OSBPL5: variants seen among roughly 807,000 people sequenced by gnomAD.
The protein encoded by OSBPL5 is oxysterol binding protein like 5, also known as oxysterol-binding protein-related protein 5.
In OSBPL5, 71 loss-of-function variants were observed where a neutral mutation model predicts 111.2. That is an observed-to-expected ratio of 0.64 (90% confidence interval 0.53 to 0.78). The LOEUF (loss-of-function observed/expected upper bound fraction) is 0.78, where lower values mean the gene tolerates loss of function less well. OSBPL5 is among the 30% of genes least tolerant of loss of function. The pLI is 0.00. For missense variants in OSBPL5, 1,210 were observed against 1,189.3 expected (o/e 1.02, Z -0.26); for synonymous variants, 549 against 513.9 (o/e 1.07, Z -0.93).
chr11:3,088,939 C>T (rs568804466), intron 21 of OSBPL5, among the ~76,000 whole-genome samples: 1 of 152,132 alleles, frequency 6.6e-6, no homozygotes, highest in Non-Finnish European at 1.5e-5. Flanking sequence ...AGCCCCTTGC[C>T]GGCAGTACTC....
chr11:3,116,271 A>G (rs1461591313), intron 7 of OSBPL5, among the ~76,000 whole-genome samples: 1 of 152,192 alleles, frequency 6.6e-6, no homozygotes, highest in Non-Finnish European at 1.5e-5. Context: ...ATGTTAAATT[A>G]TTTTGTGCCA....
intron 1 of OSBPL5, among the ~76,000 whole-genome samples, chr11:3,132,553 C>T (rs1324617115): frequency 6.6e-6 from 1 of 152,050 alleles, no homozygotes; most frequent in East Asian, 1.9e-4. Flanking sequence ...CCCAAGCCCT[C>T]CCGCCACCCC....
At position 3,126,822 on chromosome 11, in the gene OSBPL5, C is replaced by T. The variant is rs1185097519; in HGVS notation, c.137-267G>A. ...AGCTGGGACAGGAGCTGGTAGGAACCGGCATCCTGGGCCTGCTGTAGTGTG... is the reference window on the plus strand; with the variant it reads ...AGCTGGGACAGGAGCTGGTAGGAACTGGCATCCTGGGCCTGCTGTAGTGTG... On this transcript the variant is annotated intron_variant, in intron 2 of 21. Coordinates refer to ENST00000263650, the MANE Select transcript of OSBPL5 (RefSeq NM_020896.4). This position sits in a 1 kb window ranked among gnomAD's most constrained non-coding sequence, Gnocchi z 6.5. 2.6e-5 allele frequency among the ~76,000 whole-genome samples: 4 copies of T among 152,176 alleles called. No homozygotes were observed. Among genetic ancestry groups the T allele is most frequent in the East Asian group, 1.9e-4 (1 of 5,182 alleles).
At chr11:3,111,995 ATGTGTGTG>A (rs74184684) in intron 7 of OSBPL5, among the ~76,000 whole-genome samples, 91 of 145,370 alleles carry the variant, frequency 6.3e-4, no homozygotes, top group Admixed American at 1.1e-3. Context: ...ATGTGTGTGC[ATGTGTGTG>A]TGTGTGCGCG....
chr11:3,094,666 T>C (rs1226021903), intron 14 of OSBPL5: 1 of 268,330 alleles, frequency 3.7e-6, no homozygotes, highest in Non-Finnish European at 7.3e-6. Context: ...AGGTGTCGCC[T>C]CCTGTTCCAG....
chr11:3,159,730 C>T (rs1178452008), intron 1 of OSBPL5, among the ~76,000 whole-genome samples: 1 of 152,034 alleles, frequency 6.6e-6, no homozygotes, highest in African/African-American at 2.4e-5. Flanking sequence ...CTATCTGAGT[C>T]AGGGAGATGG....
Position 3,093,002 on chromosome 11 carries a change from G to A in OSBPL5, c.1997C>T (p.Ala666Val), listed in dbSNP as rs1313783444. ...CTCCAGTGCAAACTTCTCCTGTGTG[G>A]CCCTGTGCTGGTCGCCCTTGCTGAT... is the stretch of plus-strand genomic sequence containing the variant. ...RAISKGDQHRATQEKFALEEA... is the reference protein window; with the variant it reads ...RAISKGDQHRVTQEKFALEEA... Residue 666 changes from alanine (A) to valine (V), a missense_variant, in exon 18 of 22, where the codon GCC becomes GTC. By Grantham distance (64) the Ala-to-Val change is moderately conservative. Transcript: ENST00000263650. 2 of 1,604,594 alleles carry A rather than the reference G, an allele frequency of 1.2e-6. No individual in the cohort carries two copies. Among genetic ancestry groups the A allele is most frequent in the Admixed American group, 1.7e-5 (1 of 59,028 alleles).
rs1202777091 is a variant in OSBPL5, at chr11:3,110,052, C to G, written c.692-2107G>C. On this transcript the variant is annotated intron_variant, in intron 7 of 21. Transcript: ENST00000263650. The surrounding 1 kb of genome is among the most constrained non-coding windows in gnomAD (Gnocchi z 5.3). ...GTGGGCTGCCCTGGCCATCCCCGGGCCTGCATGGGACCTGGCACATAGTGG... is the reference window on the plus strand; with the variant it reads ...GTGGGCTGCCCTGGCCATCCCCGGGGCTGCATGGGACCTGGCACATAGTGG... Among the ~76,000 whole-genome samples, 1 of 152,160 alleles carries G rather than the reference C, an allele frequency of 6.6e-6. No homozygotes were observed. The highest frequency in any genetic ancestry group is 1.5e-5 in the Non-Finnish European group (1 of 68,026).
intron 1 of OSBPL5, among the ~76,000 whole-genome samples, chr11:3,143,846 C>A (rs372341825): frequency 6.6e-6 from 1 of 152,202 alleles, no homozygotes; most frequent in Non-Finnish European, 1.5e-5. Flanking sequence ...AGCTCCTGGC[C>A]GTGGTCATAG....
At chr11:3,094,186 G>A (rs1177953470) in intron 15 of OSBPL5, 51 bp downstream of exon 15, 8 of 1,556,196 alleles carry the variant, frequency 5.1e-6, no homozygotes, top group Non-Finnish European at 5.3e-6. Context: ...GGATCCCCAA[G>A]GCTTCGTTCC....
chr11:3,155,016 G>A (rs1264967539), intron 1 of OSBPL5, among the ~76,000 whole-genome samples: 1 of 152,206 alleles, frequency 6.6e-6, no homozygotes, highest in Non-Finnish European at 1.5e-5. Flanking sequence ...AGGAGATGAG[G>A]ACACAGGCAC....
chr11:3,150,920 C>A (rs907047561), intron 1 of OSBPL5, among the ~76,000 whole-genome samples: 12 of 152,168 alleles, frequency 7.9e-5, no homozygotes, highest in Admixed American at 2.0e-4. Flanking sequence ...GCGGGCTGCC[C>A]GCTGTGGCCA....
chr11:3,151,756 G>A (rs563624533), intron 1 of OSBPL5, among the ~76,000 whole-genome samples: 1 of 152,350 alleles, frequency 6.6e-6, no homozygotes, highest in South Asian at 2.1e-4. Context: ...TCTGCCCCGT[G>A]GGAAGGGGTC....
Position 3,092,609 on chromosome 11 carries a change from G to T in OSBPL5, c.2133-51C>A. The T allele has an allele frequency of 6.6e-7, 1 of 1,517,916 alleles. No individual in the cohort carries two copies. 94.0% of individuals were successfully genotyped at this position (1,517,916 alleles called of 1,614,324 possible). A position where few individuals can be genotyped will look rare whatever the true frequency, so the allele number is the denominator to read the frequency against. On this transcript the variant is annotated intron_variant, in intron 18 of 21. Transcript: ENST00000263650. This position sits in a 1 kb window ranked among gnomAD's most constrained non-coding sequence, Gnocchi z 5.4. ...AGCACAGGCAGTGGCCCTCAGGTGAGGGGGCTGTCCTGGCCCAGTCTTCAG... is the reference window on the plus strand; with the variant it reads ...AGCACAGGCAGTGGCCCTCAGGTGATGGGGCTGTCCTGGCCCAGTCTTCAG...
rs1857970381 is a variant in OSBPL5 at position 3,111,997 on chromosome 11, GTGTGTGTGTGTGCGCGCATGTGTGTGCA to G, written c.692-4080_692-4053del. On this transcript the variant is annotated intron_variant, in intron 7 of 21. Coordinates refer to ENST00000263650, the MANE Select transcript of OSBPL5 (RefSeq NM_020896.4). ...TATGTGTGCGCGCATGTGTGTGCAT[GTGTGTGTGTGTGCGCGCATGTGTGTGCA>G]TGTGTGTGTATGTGTGCGCGCATGT... Among the ~76,000 whole-genome samples the G allele has an allele frequency of 4.5e-5, 4 of 88,502 alleles. No individual in the cohort carries two copies. The South Asian group carries it at 1.3e-3, about 28-fold the overall frequency. 58.1% of individuals were successfully genotyped at this position (88,502 alleles called of 152,430 possible).
chr11:3,132,814 C>G (rs1353374540), intron 1 of OSBPL5, among the ~76,000 whole-genome samples: 1 of 152,236 alleles, frequency 6.6e-6, no homozygotes, highest in African/African-American at 2.4e-5. Context: ...CTTCTCCCAC[C>G]AGATGCAGCG....
chr11:3,152,315 G>C (rs546362404), intron 1 of OSBPL5, among the ~76,000 whole-genome samples: 2 of 152,224 alleles, frequency 1.3e-5, no homozygotes, highest in African/African-American at 4.8e-5. Flanking sequence ...TGATTAACAC[G>C]TCTTCTAGGT....
At chr11:3,159,365 C>T (rs1846885695) in intron 1 of OSBPL5, among the ~76,000 whole-genome samples, 1 of 152,194 alleles carries the variant, frequency 6.6e-6, no homozygotes, top group Non-Finnish European at 1.5e-5. Flanking sequence ...GGCCTGGTAC[C>T]TAACCCACAA....
In OSBPL5 at chr11:3,090,659, T is replaced by A; in HGVS notation, c.2297A>T (p.Asp766Val). ...GGCCTGGCTGTGGCCGGAGGGCTGG[T>A]CGCTGGCCTTGCGAAGCCGCTGGTC... ...GPDQRLRKASDQPSGHSQATE... is the reference protein window; with the variant it reads ...GPDQRLRKASVQPSGHSQATE... Residue 766 changes from aspartate to valine, a missense_variant, in exon 20 of 22, where the codon GAC (aspartate) becomes GTC (valine). Transcript: ENST00000263650. The A allele has an allele frequency of 6.2e-7, 1 of 1,612,242 alleles. No homozygotes were observed. Among genetic ancestry groups the A allele is most frequent in the Non-Finnish European group, 8.5e-7 (1 of 1,179,796 alleles).
Sources: allele counts gnomAD v4.1 joint callset (sites outside exome capture counted in the v4.1 genomes callset), GRCh38; gene constraint gnomAD v4.1.1; non-coding constraint Gnocchi (gnomAD v3.1); transcripts MANE v1.5; gene names NCBI Gene and HGNC (gene_info 2026-07-23, HGNC 2026-07-21).